The following PITRM1 variants were observed in gnomAD, a reference collection of about 807,000 sequenced individuals.
PITRM1 encodes presequence protease, mitochondrial.
A neutral mutation model predicts 129.9 loss-of-function variants in PITRM1; 100 were observed. The ratio of observed to expected loss-of-function variants is 0.77; its 90% CI spans 0.65 to 0.91. PITRM1 has a LOEUF of 0.91. Ranked by LOEUF, PITRM1 falls within the 40% of genes least tolerant of loss-of-function variation. The pLI is 0.00. For missense variants in PITRM1, 1,471 were observed against 1,318.3 expected, an observed-to-expected ratio of 1.12 and a Z score of -1.79; for synonymous variants, 591 against 508.8, an observed-to-expected ratio of 1.16 and a Z score of -2.17.
At chr10:3,160,663 G>A (rs148745508) in intron 7 of PITRM1, among the ~76,000 whole-genome samples, 12 of 152,282 alleles carry the variant, frequency 7.9e-5, no homozygotes, top group Non-Finnish European at 1.3e-4. Context: ...GAGTGCAGTG[G>A]CACCGTCACA....
Position 3,171,041 on chromosome 10 carries a change from A to C in PITRM1, c.57-835T>G, listed in dbSNP as rs182921422. Among the ~76,000 whole-genome samples, 355 of 151,024 alleles carry C rather than the reference A, an allele frequency of 2.4e-3. 3 individuals are homozygous for C. The highest frequency in any genetic ancestry group is 8.1e-3 in the African/African-American group (333 of 41,216). On this transcript the variant is annotated intron_variant, in intron 1 of 26. Transcript: ENST00000224949. ...CGTCCACACCTTACACTGCGGCCCC[A>C]GCACTCACAGACAAAAATGTCAGCA...
intron 22 of PITRM1, 106 bp from the exon 23 acceptor site, chr10:3,143,607 G>A (rs953237178): frequency 2.3e-4 from 176 of 755,606 alleles, no homozygotes; most frequent in Middle Eastern, 4.5e-4. Context: ...CCCACGCACT[G>A]CCCACGGCAC....
chr10:3,167,153 C>A, intron 2 of PITRM1, 111 bp from the exon 3 acceptor site: 1 of 634,350 alleles, frequency 1.6e-6, no homozygotes, highest in South Asian at 1.9e-5. Context: ...TTAGATGATG[C>A]CGGGAAGGCA....
intron 1 of PITRM1, among the ~76,000 whole-genome samples, chr10:3,170,617 A>T (rs1336785909): frequency 3.3e-5 from 5 of 152,218 alleles, no homozygotes; most frequent in African/African-American, 1.2e-4. Context: ...AAACTTAAAA[A>T]GCCTAATATT....
At chr10:3,161,243 T>A (rs1842418235) in intron 7 of PITRM1, among the ~76,000 whole-genome samples, 1 of 152,172 alleles carries the variant, frequency 6.6e-6, no homozygotes, top group South Asian at 2.1e-4. Flanking sequence ...AAAAACCAAA[T>A]GAGGTATTTG....
intron 2 of PITRM1, among the ~76,000 whole-genome samples, chr10:3,168,204 G>A (rs535686522): frequency 2.6e-5 from 4 of 152,064 alleles, no homozygotes; most frequent in African/African-American, 7.2e-5. Flanking sequence ...AGCCTGCCAC[G>A]CAACAGTCAT....
Position 3,147,494 on chromosome 10 carries a change from A to T in PITRM1, c.2235+78T>A, listed in dbSNP as rs1399755657. 4 of 1,422,590 alleles carry T rather than the reference A, an allele frequency of 2.8e-6. No homozygotes were observed. The East Asian group carries it at 6.8e-5, about 24-fold the overall frequency. The allele number at this position is 1,422,590 out of a possible 1,614,324, so 88.1% of individuals were successfully genotyped here. On this transcript the variant is annotated intron_variant, in intron 19 of 26. Transcript: ENST00000224949. ...GTTAGCATTTCTGGGACATAAATTA[A>T]TGTATTCCCAAAGAAATTAGTAACT...
At chr10:3,163,562 A>T (rs1268199282) in intron 7 of PITRM1, 163 bp downstream of exon 7, 8 of 590,484 alleles carry the variant, frequency 1.4e-5, no homozygotes, top group Non-Finnish European at 2.3e-5. Context: ...GTCCAAAATC[A>T]ATGTCCAAGT....
At position 3,160,331 on chromosome 10, in the gene PITRM1, C is replaced by T; in HGVS notation, c.792-1G>A. On this transcript the variant is annotated splice_acceptor_variant, in intron 7 of 26. Transcript: ENST00000224949. LOFTEE classifies it high-confidence loss of function. ...TGGAAAATTACCGTACGTGAAGAAC[C>T]TAAAATTTTAAGGGAATATAATTAG... 6.2e-7 allele frequency: 1 copy of T among 1,607,330 alleles called. No individual in the cohort carries two copies. The highest frequency in any genetic ancestry group is 1.1e-5 in the South Asian group (1 of 90,932).
rs975814075 is a variant in PITRM1 at position 3,159,185 on chromosome 10, G to C, written c.1008-143C>G. 1.2e-4 allele frequency: 98 copies of C among 786,968 alleles called. 3 individuals are homozygous for C. In the South Asian group the frequency reaches 1.7e-3, roughly 14 times the overall value. 48.7% of individuals were successfully genotyped at this position (786,968 alleles called of 1,614,324 possible). A position where few individuals can be genotyped will look rare whatever the true frequency, so the allele number is the denominator to read the frequency against. On this transcript the variant is annotated intron_variant, in intron 9 of 26. Coordinates refer to ENST00000224949, the MANE Select transcript of PITRM1 (RefSeq NM_014889.4). The stretch of plus-strand genomic sequence containing the variant: ...ACATTTAACAATTTTATGAGCAGAA[G>C]AGAATTTTCCTTAAATACCGGGATT...
chr10:3,167,330 G>A (rs1252562242), intron 2 of PITRM1, among the ~76,000 whole-genome samples: 1 of 152,210 alleles, frequency 6.6e-6, no homozygotes, highest in Admixed American at 6.5e-5. Context: ...CTTACTACTG[G>A]CTAGGTATTT....
At chr10:3,166,879 A>T in intron 3 of PITRM1, 57 bp downstream of exon 3, 1 of 1,046,398 alleles carries the variant, frequency 9.6e-7, no homozygotes, top group Non-Finnish European at 1.4e-6. Flanking sequence ...AAAAGAATGG[A>T]CATTCCTGAT....
Position 3,147,189 on chromosome 10 carries a change from G to A in PITRM1, c.2297C>T (p.Pro766Leu), listed in dbSNP as rs1272083693. ...TDIKPILRKL[P>L]RIKKHLLNGD... ...ATTTAACAAGTGTTTCTTGATACGC[G>A]GGAGCTTCCTCAGGATGGGTTTGAT... The change falls in exon 20 of 27, where the codon CCG becomes CTG. Residue 766 changes from proline (P) to leucine (L), a missense_variant. Transcript: ENST00000224949. The A allele has an allele frequency of 3.7e-6, 6 of 1,608,542 alleles. No individual in the cohort carries two copies. Among genetic ancestry groups the A allele is most frequent in the Admixed American group, 3.3e-5 (2 of 59,982 alleles).
chr10:3,165,896 C>T (rs1162812341), intron 4 of PITRM1, among the ~76,000 whole-genome samples: 1 of 152,242 alleles, frequency 6.6e-6, no homozygotes, highest in Non-Finnish European at 1.5e-5. Context: ...TGTTCATCGT[C>T]ACCCTATCCA....
chr10:3,146,772 T>C (rs1840915289), intron 20 of PITRM1: 1 of 168,922 alleles, frequency 5.9e-6, no homozygotes. Context: ...CAACTGAAGG[T>C]ATAGGACTGA....
rs1588691994 is a variant in PITRM1 at position 3,158,902 on chromosome 10, T to C, written c.1136+12A>G. 1.2e-6 allele frequency: 2 copies of C among 1,612,772 alleles called. No homozygotes were observed. Among genetic ancestry groups the C allele is most frequent in the Non-Finnish European group, 1.7e-6 (2 of 1,179,344 alleles). On this transcript the variant is annotated intron_variant, in intron 10 of 26. Coordinates refer to ENST00000224949, the MANE Select transcript of PITRM1 (RefSeq NM_014889.4). ...AATGAGAACTACTGATCTAATCTAA[T>C]CATAAACTCACCCAACATCAGGAGA...
At chr10:3,145,295 G>C in intron 21 of PITRM1, 1 of 356,168 alleles carries the variant, frequency 2.8e-6, no homozygotes, top group Non-Finnish European at 5.1e-6. Flanking sequence ...GCTACGGTTT[G>C]GGCCATTCCT....
At chr10:3,153,078 C>T (rs927727880) in intron 14 of PITRM1, among the ~76,000 whole-genome samples, 1 of 152,248 alleles carries the variant, frequency 6.6e-6, no homozygotes, top group Non-Finnish European at 1.5e-5. Flanking sequence ...AGAACCCTAA[C>T]ACTGCCATGC....
chr10:3,172,532 A>G (rs1408885834), intron 1 of PITRM1, among the ~76,000 whole-genome samples, 185 bp downstream of exon 1: 1 of 152,124 alleles, frequency 6.6e-6, no homozygotes, highest in Non-Finnish European at 1.5e-5. Flanking sequence ...AGGAGCTCCG[A>G]GGTCCTCCGG....
Sources: gnomAD v4.1 joint callset for allele counts (sites outside exome capture counted in the v4.1 genomes callset) on GRCh38, gnomAD v4.1.1 for gene constraint, MANE v1.5 for transcripts, NCBI Gene and HGNC (gene_info 2026-07-23, HGNC 2026-07-21) for gene names.